Variants in PRIM2 observed in about 807,000 individuals in gnomAD.
The protein encoded by PRIM2 is DNA primase subunit 2.
PRIM2 carries 39 observed loss-of-function variants against 67.3 expected under a neutral mutation model. The ratio of observed to expected loss-of-function variants is 0.58; its 90% CI spans 0.45 to 0.76. The LOEUF (loss-of-function observed/expected upper bound fraction) is 0.76, where lower values mean the gene tolerates loss of function less well. Ranked by LOEUF, PRIM2 falls within the 30% of genes least tolerant of loss-of-function variation. The pLI, the probability that PRIM2 is intolerant of heterozygous loss-of-function variation, is 0.00. For synonymous variants in PRIM2, 143 were observed against 198.7 expected, an observed-to-expected ratio of 0.72 and a Z score of 2.36; for missense variants, 398 against 598.7, an observed-to-expected ratio of 0.66 and a Z score of 3.50.
At chr6:57,311,554 G>A (rs575392380), upstream of PRIM2, among the ~76,000 whole-genome samples, 191 of 152,110 alleles carry the variant, frequency 1.3e-3, no homozygotes, top group African/African-American at 4.3e-3. Context: ...AGGGGGCGGC[G>A]GGGCAGAGGG....
Position 57,392,311 on chromosome 6 carries a change from T to C in PRIM2, c.693+10143T>C, listed in dbSNP as rs575916743. On this transcript the variant is annotated intron_variant, in intron 7 of 13. Transcript: ENST00000615550. ...TTTCTAGATATAAAATTACATCATCTGCAAACAGGGATAGTTTGATTTCCT... is the reference window on the plus strand; with the variant it reads ...TTTCTAGATATAAAATTACATCATCCGCAAACAGGGATAGTTTGATTTCCT... Among the ~76,000 whole-genome samples, 244 of 152,320 alleles carry C rather than the reference T, an allele frequency of 1.6e-3. 3 individuals are homozygous for C. Among genetic ancestry groups the C allele is most frequent in the Non-Finnish European group, 3.7e-4 (25 of 68,026 alleles).
At chr6:57,466,348 C>G (rs34530602) in intron 7 of PRIM2, among the ~76,000 whole-genome samples, 1 of 152,102 alleles carries the variant, frequency 6.6e-6, no homozygotes, top group East Asian at 1.9e-4. Flanking sequence ...GTAATGGGAT[C>G]GCTGGGTCAA....
At chr6:57,553,276 A>C (rs1344552409) in intron 10 of PRIM2, among the ~76,000 whole-genome samples, 1 of 152,296 alleles carries the variant, frequency 6.6e-6, no homozygotes, top group South Asian at 2.1e-4. Context: ...TTATAATTTG[A>C]TGTCTCTTTA....
chr6:57,440,491 G>T (rs1772170474), intron 7 of PRIM2, among the ~76,000 whole-genome samples: 1 of 152,160 alleles, frequency 6.6e-6, no homozygotes, highest in African/African-American at 2.4e-5. Context: ...GTTAATACCT[G>T]GTTTAGGATC....
chr6:57,555,320 T>C (rs1253414140), intron 10 of PRIM2, among the ~76,000 whole-genome samples: 1,982 of 150,928 alleles, frequency 0.013, 42 homozygotes, highest in African/African-American at 0.045. Context: ...TGCTCTGTCA[T>C]CCAGGCGGGA....
intron 5 of PRIM2, among the ~76,000 whole-genome samples, chr6:57,360,739 A>G: frequency 6.6e-6 from 1 of 152,198 alleles, no homozygotes; most frequent in Non-Finnish European, 1.5e-5. Flanking sequence ...TACAGCATCA[A>G]AATTCTCTTT....
At chr6:57,417,043 T>C (rs1368083734) in intron 7 of PRIM2, among the ~76,000 whole-genome samples, 1 of 152,034 alleles carries the variant, frequency 6.6e-6, no homozygotes, top group Non-Finnish European at 1.5e-5. Flanking sequence ...TTCAGCTCAT[T>C]GCAGTCTCCG....
At chr6:57,551,805 T>G (rs1775409257) in intron 10 of PRIM2, among the ~76,000 whole-genome samples, 3 of 152,252 alleles carry the variant, frequency 2.0e-5, no homozygotes, top group Admixed American at 6.5e-5. Context: ...TAGGGAATGC[T>G]GTTTAGTGCC....
At chr6:57,571,146 G>C (rs1211164031) in intron 10 of PRIM2, among the ~76,000 whole-genome samples, 1 of 151,934 alleles carries the variant, frequency 6.6e-6, no homozygotes, top group Admixed American at 6.6e-5. Context: ...TTTCCCTTTA[G>C]AACACCTGTC....
chr6:57,412,962 G>T (rs1295341431), intron 7 of PRIM2, among the ~76,000 whole-genome samples: 1 of 152,048 alleles, frequency 6.6e-6, no homozygotes, highest in South Asian at 2.1e-4. Flanking sequence ...TCCTTTCTTC[G>T]AAATGTACTA....
chr6:57,343,748 G>C (rs1768577813), intron 5 of PRIM2, among the ~76,000 whole-genome samples: 1 of 152,100 alleles, frequency 6.6e-6, no homozygotes, highest in African/African-American at 2.4e-5. Context: ...CAGATGAAGA[G>C]TGTTAAAGAA....
At chr6:57,425,978 TA>T (rs1280424670) in intron 7 of PRIM2, among the ~76,000 whole-genome samples, 1 of 152,180 alleles carries the variant, frequency 6.6e-6, no homozygotes, top group Non-Finnish European at 1.5e-5. Flanking sequence ...TTTTAAAAGT[TA>T]AGTATATGTG....
intron 5 of PRIM2, among the ~76,000 whole-genome samples, chr6:57,340,816 C>T (rs1395278001): frequency 6.6e-6 from 1 of 152,038 alleles, no homozygotes. Context: ...TGTAACAAAC[C>T]TGCACATTGT....
chr6:57,335,151 G>A (rs1305040498), intron 5 of PRIM2, among the ~76,000 whole-genome samples: 5 of 152,126 alleles, frequency 3.3e-5, no homozygotes, highest in Non-Finnish European at 5.9e-5. Flanking sequence ...GTGCTTTTCC[G>A]ACAGGCTTAA....
At chr6:57,355,013 A>G (rs1394682391) in intron 5 of PRIM2, among the ~76,000 whole-genome samples, 1 of 152,294 alleles carries the variant, frequency 6.6e-6, no homozygotes, top group East Asian at 1.9e-4. Context: ...AAATGGTCAG[A>G]ACATATCGGG....
intron 7 of PRIM2, among the ~76,000 whole-genome samples, chr6:57,421,705 C>T (rs1201443698): frequency 6.6e-6 from 1 of 152,198 alleles, no homozygotes; most frequent in South Asian, 2.1e-4. Flanking sequence ...ATCCCACTTC[C>T]TCTTATGTTG....
At chr6:57,258,584 C>T in the PRIM2 span, among the ~76,000 whole-genome samples, 10 of 132,412 alleles carry the variant, frequency 7.6e-5, no homozygotes, top group Non-Finnish European at 1.5e-4. Context: ...GCCCCCACCC[C>T]AACCCACCCA....
At chr6:57,491,532 A>G (rs1282150270) in intron 7 of PRIM2, among the ~76,000 whole-genome samples, 3 of 152,192 alleles carry the variant, frequency 2.0e-5, no homozygotes, top group Admixed American at 6.5e-5. Context: ...GAGTGTGTAC[A>G]TGCTGTTTTC....
intron 7 of PRIM2, among the ~76,000 whole-genome samples, chr6:57,414,261 G>T (rs1176135805): frequency 6.6e-6 from 1 of 152,098 alleles, no homozygotes; most frequent in African/African-American, 2.4e-5. Flanking sequence ...ATACTTATTT[G>T]AAGAACATGA....
Sources: gnomAD v4.1 joint callset for allele counts (sites outside exome capture counted in the v4.1 genomes callset) on GRCh38, gnomAD v4.1.1 for gene constraint, MANE v1.5 for transcripts, NCBI Gene and HGNC (gene_info 2026-07-23, HGNC 2026-07-21) for gene names.